The following PCDH15 variants were observed in gnomAD, a reference collection of about 807,000 sequenced individuals.
PCDH15 encodes the protein protocadherin-15.
PCDH15 carries 129 observed loss-of-function variants against 178.5 expected under a neutral mutation model. The observed-to-expected ratio is 0.72, with a 90% CI of 0.63 to 0.84. The LOEUF (loss-of-function observed/expected upper bound fraction) is 0.84. PCDH15 is among the 40% of genes least tolerant of loss of function. The pLI is 0.00. For synonymous variants in PCDH15, 800 were observed against 732.0 expected (o/e 1.09, Z -1.50); for missense variants, 2,230 against 2,099.9 (o/e 1.06, Z -1.21).
chr10:54,407,393 A>T (rs1210775784), intron 3 of PCDH15, among the ~76,000 whole-genome samples: 1 of 152,232 alleles, frequency 6.6e-6, no homozygotes, highest in East Asian at 1.9e-4. Context: ...TATAATAATC[A>T]TATGGAAGGT....
chr10:54,111,606 A>T (rs2132708552), intron 15 of PCDH15, among the ~76,000 whole-genome samples: 1 of 152,314 alleles, frequency 6.6e-6, no homozygotes, highest in South Asian at 2.1e-4. Context: ...GGTCTCTACC[A>T]TTTCCATAAA....
chr10:54,616,519 C>A (rs1389963065), intron 2 of PCDH15, among the ~76,000 whole-genome samples: 1 of 152,022 alleles, frequency 6.6e-6, no homozygotes, highest in East Asian at 1.9e-4. Context: ...ACAGGATGTG[C>A]TTGTTAAAAT....
chr10:54,793,622 TAGTAA>T (rs1179209686), intron 1 of PCDH15, among the ~76,000 whole-genome samples: 2 of 150,386 alleles, frequency 1.3e-5, no homozygotes, highest in Non-Finnish European at 3.0e-5. Context: ...TTGCATATTG[TAGTAA>T]AGTAGCCATA....
intron 1 of PCDH15, among the ~76,000 whole-genome samples, chr10:55,219,170 T>C (rs574634471): frequency 1.4e-4 from 21 of 151,988 alleles, no homozygotes; most frequent in Admixed American, 3.3e-4. Context: ...CTGTCAGATA[T>C]ATCCCAGATA....
At chr10:54,577,661 T>G (rs1464748766) in intron 2 of PCDH15, among the ~76,000 whole-genome samples, 1 of 152,052 alleles carries the variant, frequency 6.6e-6, no homozygotes, top group Non-Finnish European at 1.5e-5. Flanking sequence ...TTTCTTATAA[T>G]AATTAATTTA....
At chr10:54,779,141 A>C (rs73266160) in intron 1 of PCDH15, among the ~76,000 whole-genome samples, 11,357 of 151,882 alleles carry the variant, frequency 0.075, 488 homozygotes, top group South Asian at 0.14. Context: ...CTAAGGCAAG[A>C]TTCTAGGAAA....
At chr10:53,920,154 A>T (rs2133867589) in intron 25 of PCDH15, among the ~76,000 whole-genome samples, 1 of 152,252 alleles carries the variant, frequency 6.6e-6, no homozygotes, top group South Asian at 2.1e-4. Context: ...CATCTTGCAC[A>T]AGGCGGTTGA....
chr10:55,199,159 T>C (rs1208395914), intron 1 of PCDH15, among the ~76,000 whole-genome samples: 1 of 152,056 alleles, frequency 6.6e-6, no homozygotes, highest in Non-Finnish European at 1.5e-5. Flanking sequence ...AGTTTGGAAC[T>C]TCCTAAAGAC....
At chr10:55,419,748 T>C (rs1017371668) in intron 2 of PCDH15, among the ~76,000 whole-genome samples, 2 of 151,790 alleles carry the variant, frequency 1.3e-5, no homozygotes, top group African/African-American at 4.8e-5. Flanking sequence ...TTATCTATAG[T>C]TGCTTTAGGG....
chr10:54,437,964 T>C (rs1222681468), intron 3 of PCDH15, among the ~76,000 whole-genome samples: 1 of 152,184 alleles, frequency 6.6e-6, no homozygotes. Flanking sequence ...CCAGCCAATC[T>C]CCAGCTATCT....
chr10:54,750,245 A>G (rs1446049037), intron 1 of PCDH15, among the ~76,000 whole-genome samples: 1 of 152,062 alleles, frequency 6.6e-6, no homozygotes, highest in Non-Finnish European at 1.5e-5. Context: ...TGTTTATGTG[A>G]CATTGTTTAT....
chr10:54,236,748 T>G (rs1166025879), intron 9 of PCDH15, 75 bp downstream of exon 9: 2 of 1,168,650 alleles, frequency 1.7e-6, no homozygotes, highest in African/African-American at 3.0e-5. Flanking sequence ...TTAAAATATT[T>G]CCTTGGAATT....
chr10:53,972,375 T>A (rs1159729674), intron 21 of PCDH15, among the ~76,000 whole-genome samples: 2 of 152,210 alleles, frequency 1.3e-5, no homozygotes, highest in Non-Finnish European at 2.9e-5. Context: ...GACATAGGCA[T>A]GTGCAAAGGC....
intron 2 of PCDH15, among the ~76,000 whole-genome samples, chr10:55,090,759 C>T (rs1468893500): frequency 1.3e-5 from 2 of 152,014 alleles, no homozygotes; most frequent in East Asian, 1.9e-4. Flanking sequence ...GGATTTTCCA[C>T]GTTATTTCTA....
chr10:54,261,844 G>A (rs374167679), intron 8 of PCDH15, among the ~76,000 whole-genome samples: 3 of 152,268 alleles, frequency 2.0e-5, no homozygotes, highest in East Asian at 3.9e-4. Context: ...CCTCTTCCAT[G>A]GAGAGGAACC....
chr10:54,545,280 G>C (rs896246295), intron 2 of PCDH15, among the ~76,000 whole-genome samples: 24 of 152,112 alleles, frequency 1.6e-4, no homozygotes, highest in African/African-American at 5.8e-4. Context: ...CTAATTAACA[G>C]TTATGTTAAT....
intron 3 of PCDH15, among the ~76,000 whole-genome samples, chr10:54,441,296 C>G (rs2075778099): frequency 6.6e-6 from 1 of 151,914 alleles, no homozygotes; most frequent in East Asian, 1.9e-4. Context: ...CTACCCCAAT[C>G]AACAGCAAAT....
At chr10:54,887,456 A>C (rs1954379104) in intron 3 of PCDH15, among the ~76,000 whole-genome samples, 1 of 152,144 alleles carries the variant, frequency 6.6e-6, no homozygotes, top group Non-Finnish European at 1.5e-5. Context: ...CCCTAAATTA[A>C]CTGATTCATG....
chr10:55,471,322 A>G (rs577929768), intron 2 of PCDH15, among the ~76,000 whole-genome samples: 5 of 152,338 alleles, frequency 3.3e-5, no homozygotes, highest in African/African-American at 1.2e-4. Flanking sequence ...TAGTTTGTAG[A>G]AAGATTTTTA....
Sources: gnomAD v4.1 joint callset for allele counts (sites outside exome capture counted in the v4.1 genomes callset) on GRCh38, gnomAD v4.1.1 for gene constraint, MANE v1.5 for transcripts, NCBI Gene and HGNC (gene_info 2026-07-23, HGNC 2026-07-21) for gene names.